CNTN1: variants seen among roughly 807,000 people sequenced by gnomAD.
The protein encoded by CNTN1 is contactin-1.
CNTN1 carries 38 observed loss-of-function variants against 126.4 expected under a neutral mutation model. The ratio of observed to expected loss-of-function variants is 0.30; its 90% CI spans 0.23 to 0.39. CNTN1 has a LOEUF of 0.39. Ranked by LOEUF, CNTN1 falls within the 10% of genes least tolerant of loss-of-function variation. The pLI, the probability that CNTN1 is intolerant of heterozygous loss-of-function variation, is 1.00. For missense variants in CNTN1, 1,009 were observed against 1,248.4 expected (o/e 0.81, Z 2.89); for synonymous variants, 413 against 422.6 (o/e 0.98, Z 0.28).
At chr12:40,907,485 G>C (rs1330013625) in intron 1 of CNTN1, among the ~76,000 whole-genome samples, 1 of 152,206 alleles carries the variant, frequency 6.6e-6, no homozygotes, top group Non-Finnish European at 1.5e-5. Context: ...TTAAGTAGCA[G>C]GGCCCTTCAC....
intron 15 of CNTN1, among the ~76,000 whole-genome samples, chr12:40,964,096 G>T (rs573422561): frequency 3.4e-4 from 52 of 152,146 alleles, no homozygotes; most frequent in Admixed American, 5.9e-4. Context: ...AAATATTTTG[G>T]CAATGCTTCT....
At chr12:41,069,312 CTGTATAAA>C (rs1404414102) in intron 23 of CNTN1, among the ~76,000 whole-genome samples, 1 of 152,144 alleles carries the variant, frequency 6.6e-6, no homozygotes, top group African/African-American at 2.4e-5. Flanking sequence ...TTAAGTCATT[CTGTATAAA>C]TGTATAAATG....
chr12:40,727,716 T>TAC (rs1942395555), intron 1 of CNTN1, among the ~76,000 whole-genome samples: 1 of 152,196 alleles, frequency 6.6e-6, no homozygotes, highest in African/African-American at 2.4e-5. Context: ...CTACGCATGC[T>TAC]ACACCCTTTG....
intron 1 of CNTN1, among the ~76,000 whole-genome samples, chr12:40,862,592 A>T (rs1423504221): frequency 6.6e-6 from 1 of 152,094 alleles, no homozygotes. Flanking sequence ...GGCTTTTTTC[A>T]CATTGTTACA....
chr12:41,029,731 C>T (rs1417419280), intron 23 of CNTN1, among the ~76,000 whole-genome samples: 1 of 151,976 alleles, frequency 6.6e-6, no homozygotes, highest in East Asian at 1.9e-4. Context: ...TTTTAATACT[C>T]TTATAACTCT....
intron 1 of CNTN1, among the ~76,000 whole-genome samples, chr12:40,865,070 C>T (rs948424727): frequency 2.6e-5 from 4 of 152,064 alleles, no homozygotes; most frequent in African/African-American, 9.7e-5. Flanking sequence ...GTTTGATTTG[C>T]ATTTTCATAA....
At chr12:40,982,851 G>T (rs1379443001) in intron 16 of CNTN1, among the ~76,000 whole-genome samples, 1 of 149,842 alleles carries the variant, frequency 6.7e-6, no homozygotes, top group Non-Finnish European at 1.5e-5. Context: ...TTTTAAATAG[G>T]GTATTTCTCA....
intron 1 of CNTN1, among the ~76,000 whole-genome samples, chr12:40,855,056 T>G (rs1311813978): frequency 1.3e-5 from 2 of 152,130 alleles, no homozygotes; most frequent in African/African-American, 2.4e-5. Context: ...AAGAAAGCTC[T>G]GGCTACTGTT....
chr12:40,916,345 A>G (rs1204414300), intron 3 of CNTN1, among the ~76,000 whole-genome samples: 2 of 152,144 alleles, frequency 1.3e-5, no homozygotes, highest in Admixed American at 6.6e-5. Flanking sequence ...ACCCTGTGCA[A>G]TTGGGAGAGA....
At chr12:41,011,294 C>A (rs886149063) in intron 17 of CNTN1, among the ~76,000 whole-genome samples, 10 of 152,148 alleles carry the variant, frequency 6.6e-5, no homozygotes, top group Non-Finnish European at 1.3e-4. Flanking sequence ...GCTACACTTG[C>A]AAAGGTCTAG....
chr12:40,716,807 A>G (rs1160860765), intron 1 of CNTN1, among the ~76,000 whole-genome samples: 1 of 152,210 alleles, frequency 6.6e-6, no homozygotes. Flanking sequence ...AGAACACCAG[A>G]AATTCTTTCT....
At chr12:40,771,956 G>A (rs983041810) in intron 1 of CNTN1, among the ~76,000 whole-genome samples, 2 of 151,924 alleles carry the variant, frequency 1.3e-5, no homozygotes, top group African/African-American at 2.4e-5. Flanking sequence ...GGCAGAGGAG[G>A]ATTAGAATCT....
At chr12:40,749,345 G>A (rs1370044228) in intron 1 of CNTN1, among the ~76,000 whole-genome samples, 1 of 152,024 alleles carries the variant, frequency 6.6e-6, no homozygotes, top group East Asian at 1.9e-4. Flanking sequence ...ACAATTCACT[G>A]ATTTCTTTGA....
At chr12:40,739,888 C>A (rs1341024021) in intron 1 of CNTN1, among the ~76,000 whole-genome samples, 1 of 152,012 alleles carries the variant, frequency 6.6e-6, no homozygotes, top group Non-Finnish European at 1.5e-5. Flanking sequence ...AAACATATTA[C>A]ACTACCAAGG....
intron 1 of CNTN1, among the ~76,000 whole-genome samples, chr12:40,704,770 G>A (rs960415609): frequency 6.6e-6 from 1 of 152,072 alleles, no homozygotes; most frequent in Non-Finnish European, 1.5e-5. Flanking sequence ...TTAAACTGAT[G>A]GTTTCTATAA....
chr12:40,885,172 T>C (rs1249415645), intron 1 of CNTN1, among the ~76,000 whole-genome samples: 1 of 151,848 alleles, frequency 6.6e-6, no homozygotes, highest in Non-Finnish European at 1.5e-5. Flanking sequence ...CACTTACTAG[T>C]ACCAGAAACA....
At chr12:41,043,601 G>T (rs1446048943) in intron 23 of CNTN1, among the ~76,000 whole-genome samples, 1 of 152,068 alleles carries the variant, frequency 6.6e-6, no homozygotes, top group Admixed American at 6.6e-5. Context: ...CAATTCCTCA[G>T]GGGTCTAGAA....
intron 23 of CNTN1, among the ~76,000 whole-genome samples, chr12:41,065,387 C>T (rs1163093754): frequency 6.6e-6 from 1 of 152,104 alleles, no homozygotes; most frequent in Non-Finnish European, 1.5e-5. Context: ...TCATATTAGC[C>T]AGCTTGTCCT....
intron 1 of CNTN1, among the ~76,000 whole-genome samples, chr12:40,800,861 A>C (rs1018871997): frequency 6.6e-6 from 1 of 152,030 alleles, no homozygotes; most frequent in African/African-American, 2.4e-5. Flanking sequence ...TGTTAGGTTG[A>C]GCATGAGCAG....
Sources: allele counts gnomAD v4.1 joint callset (sites outside exome capture counted in the v4.1 genomes callset), GRCh38; gene constraint gnomAD v4.1.1; transcripts MANE v1.5; gene names NCBI Gene and HGNC (gene_info 2026-07-23, HGNC 2026-07-21).